The following FBXL2 variants were observed in gnomAD, a reference collection of about 807,000 sequenced individuals.
FBXL2 encodes the protein F-box and leucine rich repeat protein 2.
FBXL2 carries 38 observed loss-of-function variants against 69.2 expected under a neutral mutation model. That is an observed-to-expected ratio of 0.55 (90% CI 0.42 to 0.72). The LOEUF (loss-of-function observed/expected upper bound fraction) is 0.72, where lower values mean the gene tolerates loss of function less well. FBXL2 is among the 30% of genes least tolerant of loss of function. The probability of loss-of-function intolerance (pLI) is 0.00; values close to 1 mark genes in which losing one functional copy is unlikely to be tolerated. For missense variants in FBXL2, 354 were observed against 520.3 expected, an observed-to-expected ratio of 0.68 and a Z score of 3.11; for synonymous variants, 192 against 201.3, an observed-to-expected ratio of 0.95 and a Z score of 0.39.
chr3:33,375,269 C>T lies in FBXL2; in HGVS notation c.658-19C>T, dbSNP rs774258228. ...TGCTGGTGTCCTCTGACTTTTCTTT[C>T]TGTGCTGCTTTTCCTCAGCGTATCA... is the stretch of plus-strand genomic sequence containing the variant. On this transcript the variant is annotated intron_variant, in intron 9 of 14. Coordinates refer to ENST00000484457, the MANE Select transcript of FBXL2 (RefSeq NM_012157.5). 5.0e-6 allele frequency: 8 copies of T among 1,605,750 alleles called. No individual in the cohort carries two copies. In the Admixed American group the frequency reaches 1.3e-4, roughly 27 times the overall value.
At chr3:33,308,996 A>G (rs2036951938) in intron 2 of FBXL2, among the ~76,000 whole-genome samples, 1 of 152,226 alleles carries the variant, frequency 6.6e-6, no homozygotes, top group Non-Finnish European at 1.5e-5. Flanking sequence ...GGCCTAACAT[A>G]TGATCTATCC....
intron 2 of FBXL2, among the ~76,000 whole-genome samples, chr3:33,352,753 G>C (rs2154038271): frequency 1.3e-5 from 2 of 152,194 alleles, no homozygotes; most frequent in South Asian, 4.1e-4. Flanking sequence ...AAAATTAGCT[G>C]GGTGTGGTAA....
chr3:33,365,282 GT>G (rs11293564), intron 5 of FBXL2, among the ~76,000 whole-genome samples: 52,223 of 136,968 alleles, frequency 0.38, 10,129 homozygotes, highest in African/African-American at 0.57. Context: ...ATTTATTGGG[GT>G]TTTTTTTTTT....
At chr3:33,277,683 G>T (rs976028363) in intron 1 of FBXL2, among the ~76,000 whole-genome samples, 168 bp downstream of exon 1, 2 of 152,060 alleles carry the variant, frequency 1.3e-5, no homozygotes, top group Non-Finnish European at 2.9e-5. Context: ...GCCCGGGGAG[G>T]GGTAACCTGG....
chr3:33,406,475 A>G (rs1469892167), downstream of FBXL2, among the ~76,000 whole-genome samples: 1 of 152,236 alleles, frequency 6.6e-6, no homozygotes, highest in Non-Finnish European at 1.5e-5. Flanking sequence ...ACATGTATAA[A>G]TAATGTAAAC....
chr3:33,359,030 T>C lies in FBXL2; in HGVS notation c.120+9T>C, dbSNP rs752787358. On this transcript the variant is annotated intron_variant, in intron 3 of 14. Coordinates refer to ENST00000484457, the MANE Select transcript of FBXL2 (RefSeq NM_012157.5). ...GTGCACAGATTTCCAAGGTAGAGTATTCACCAGATTTTTTAATCAATAAAT... is the reference window on the plus strand; with the variant it reads ...GTGCACAGATTTCCAAGGTAGAGTACTCACCAGATTTTTTAATCAATAAAT... 2 of 1,509,186 alleles carry C rather than the reference T, an allele frequency of 1.3e-6. No individual in the cohort carries two copies. The highest frequency in any genetic ancestry group is 2.7e-5 in the South Asian group (2 of 73,312). The allele number at this position is 1,509,186 out of a possible 1,614,324, so 93.5% of individuals were successfully genotyped here.
chr3:33,305,885 A>C (rs1304109088), intron 2 of FBXL2, among the ~76,000 whole-genome samples: 4 of 151,558 alleles, frequency 2.6e-5, no homozygotes, highest in Non-Finnish European at 5.9e-5. Flanking sequence ...TTGTAATGTT[A>C]CTTTCTTCCT....
chr3:33,290,501 CAG>C (rs1480375855), intron 1 of FBXL2, among the ~76,000 whole-genome samples: 3 of 152,122 alleles, frequency 2.0e-5, no homozygotes, highest in South Asian at 4.2e-4. Context: ...CATGGATAAA[CAG>C]AGAAAATTTC....
chr3:33,372,861 G>A, intron 5 of FBXL2: 1 of 595,288 alleles, frequency 1.7e-6, no homozygotes, highest in Non-Finnish European at 3.0e-6. Context: ...TCAAAACGTG[G>A]TCCCTAGACT....
chr3:33,338,570 A>G (rs2039765406), intron 2 of FBXL2, among the ~76,000 whole-genome samples: 1 of 152,310 alleles, frequency 6.6e-6, no homozygotes, highest in African/African-American at 2.4e-5. Flanking sequence ...TACTGATACA[A>G]AAACAGACAC....
intron 2 of FBXL2, among the ~76,000 whole-genome samples, chr3:33,328,257 G>A (rs1259917698): frequency 6.6e-6 from 1 of 152,230 alleles, no homozygotes; most frequent in South Asian, 2.1e-4. Flanking sequence ...AATTAATATT[G>A]TCAAAATGAA....
rs565535046 is a variant in FBXL2, at chr3:33,297,153, G to A, written c.4-511G>A. Among the ~76,000 whole-genome samples, 509 of 152,166 alleles carry A rather than the reference G, an allele frequency of 3.3e-3. 3 individuals are homozygous for A. Among genetic ancestry groups the A allele is most frequent in the African/African-American group, 0.011 (458 of 41,548 alleles). On this transcript the variant is annotated intron_variant, in intron 1 of 14. Transcript: ENST00000484457. ...CTCAGAGTATTTTGTTCATTTTGAT[G>A]CTGTTGTAAATGGGATTGTTTTCTG...
intron 2 of FBXL2, among the ~76,000 whole-genome samples, chr3:33,306,589 A>G (rs1007302194): frequency 6.6e-6 from 1 of 152,110 alleles, no homozygotes; most frequent in African/African-American, 2.4e-5. Flanking sequence ...TCTCTTCCAT[A>G]CATTTGTCTG....
the FBXL2 span, among the ~76,000 whole-genome samples, chr3:33,409,903 CCCACCT>C: frequency 1.3e-5 from 2 of 152,170 alleles, no homozygotes; most frequent in Non-Finnish European, 2.9e-5. Flanking sequence ...ATGTATACTG[CCCACCT>C]CCACCTTGGA....
At chr3:33,318,752 A>G (rs201812052) in intron 2 of FBXL2, among the ~76,000 whole-genome samples, 3 of 60,292 alleles carry the variant, frequency 5.0e-5, no homozygotes, top group Non-Finnish European at 8.6e-5. Flanking sequence ...TTAAACATCT[A>G]TTATTGCTCA....
chr3:33,331,608 T>C (rs775018060), intron 2 of FBXL2, among the ~76,000 whole-genome samples: 1 of 152,140 alleles, frequency 6.6e-6, no homozygotes, highest in African/African-American at 2.4e-5. Flanking sequence ...TTAAAACTGA[T>C]GCTAGAAGGA....
intron 14 of FBXL2, 54 bp downstream of exon 14, chr3:33,384,255 A>G (rs2043260126): frequency 6.4e-7 from 1 of 1,559,112 alleles, no homozygotes; most frequent in Non-Finnish European, 8.8e-7. Context: ...GCACCAAAGG[A>G]AAACATCAAG....
chr3:33,289,717 T>C (rs1352447463), intron 1 of FBXL2: 1 of 985,008 alleles, frequency 1.0e-6, no homozygotes, highest in African/African-American at 1.7e-5. Flanking sequence ...ACTTTTCCCA[T>C]GGGCCTTCAA....
chr3:33,394,362 G>A (rs1559665142), intron 12 of FBXL2, among the ~76,000 whole-genome samples: 2 of 151,962 alleles, frequency 1.3e-5, no homozygotes, highest in Non-Finnish European at 2.9e-5. Flanking sequence ...TATAGTTTTT[G>A]ATCCAGTAAT....
Sources: gnomAD v4.1 joint callset for allele counts (sites outside exome capture counted in the v4.1 genomes callset) on GRCh38, gnomAD v4.1.1 for gene constraint, MANE v1.5 for transcripts, NCBI Gene and HGNC (gene_info 2026-07-23, HGNC 2026-07-21) for gene names.